GNA14: variants seen among roughly 807,000 people sequenced by gnomAD.
GNA14 encodes guanine nucleotide-binding protein subunit alpha-14.
In GNA14, 50 loss-of-function variants were observed where a neutral mutation model predicts 42.0. The observed-to-expected ratio is 1.19, with a 90% CI of 0.95 to 1.51. The LOEUF is 1.51. Ranked by LOEUF, GNA14 falls within the 40% of genes most tolerant of loss-of-function variation. The pLI is 0.00. For missense variants in GNA14, 473 were observed against 446.2 expected, an observed-to-expected ratio of 1.06 and a Z score of -0.54; for synonymous variants, 173 against 163.1, an observed-to-expected ratio of 1.06 and a Z score of -0.46.
At chr9:77,441,491 A>C (rs1287935677) in intron 2 of GNA14, among the ~76,000 whole-genome samples, 1 of 152,188 alleles carries the variant, frequency 6.6e-6, no homozygotes, top group Non-Finnish European at 1.5e-5. Flanking sequence ...CTTTATAGCA[A>C]TGTGAGAACG....
chr9:77,440,306 G>A (rs755486822), intron 2 of GNA14, among the ~76,000 whole-genome samples: 2 of 152,192 alleles, frequency 1.3e-5, no homozygotes, highest in Non-Finnish European at 2.9e-5. Context: ...CGTGGCTGCC[G>A]GTGACAGTCC....
intron 1 of GNA14, among the ~76,000 whole-genome samples, chr9:77,570,177 ATTAAC>A (rs146595418): frequency 0.011 from 1,674 of 152,338 alleles, 39 homozygotes; most frequent in African/African-American, 0.038. Context: ...ATAAATATAT[ATTAAC>A]TTAATTCTAA....
At chr9:77,472,097 C>G (rs1047568873) in intron 2 of GNA14, among the ~76,000 whole-genome samples, 33 of 152,064 alleles carry the variant, frequency 2.2e-4, no homozygotes, top group Non-Finnish European at 7.4e-5. Context: ...CCAAGTAAAA[C>G]CAACTCCATA....
chr9:77,582,859 T>G (rs1013538772), intron 1 of GNA14, among the ~76,000 whole-genome samples: 1 of 152,220 alleles, frequency 6.6e-6, no homozygotes, highest in Non-Finnish European at 1.5e-5. Flanking sequence ...GGCCTGGTCT[T>G]GCTCATCTTT....
chr9:77,532,256 C>G (rs539246311), intron 1 of GNA14, among the ~76,000 whole-genome samples: 2 of 152,170 alleles, frequency 1.3e-5, no homozygotes, highest in African/African-American at 4.8e-5. Context: ...GATAGCACCC[C>G]TAGTTATGAG....
At chr9:77,514,639 A>C (rs111792585) in intron 2 of GNA14, among the ~76,000 whole-genome samples, 14 of 141,180 alleles carry the variant, frequency 9.9e-5, no homozygotes, top group African/African-American at 3.8e-4. Flanking sequence ...TTTGAGACAG[A>C]GTCTCACTCT....
chr9:77,647,806 T>C lies in GNA14; in HGVS notation c.-13A>G. 6.2e-7 allele frequency: 1 copy of C among 1,605,548 alleles called. No individual in the cohort carries two copies. Among genetic ancestry groups the C allele is most frequent in the Non-Finnish European group, 8.5e-7 (1 of 1,177,970 alleles). ...AGCAGCCGGCCATGGTGCGCTCAGCTCAGTACCCGACGGGGCGACGCGGCC... is the reference window on the plus strand; with the variant it reads ...AGCAGCCGGCCATGGTGCGCTCAGCCCAGTACCCGACGGGGCGACGCGGCC... On this transcript the variant is annotated 5_prime_UTR_variant, in exon 1 of 7. Coordinates refer to ENST00000341700, the MANE Select transcript of GNA14 (RefSeq NM_004297.4).
At chr9:77,442,993 T>A (rs1473592818) in intron 2 of GNA14, among the ~76,000 whole-genome samples, 2 of 152,174 alleles carry the variant, frequency 1.3e-5, no homozygotes, top group Non-Finnish European at 2.9e-5. Context: ...CATAAAGATT[T>A]GGAAAAATAT....
At chr9:77,461,763 A>T (rs1490727503) in intron 2 of GNA14, among the ~76,000 whole-genome samples, 1 of 145,536 alleles carries the variant, frequency 6.9e-6, no homozygotes, top group Non-Finnish European at 1.5e-5. Flanking sequence ...CTTGAATAAT[A>T]GTATCCCAGC....
intron 1 of GNA14, among the ~76,000 whole-genome samples, chr9:77,647,391 A>G (rs1304875857): frequency 6.6e-6 from 1 of 152,148 alleles, no homozygotes; most frequent in Non-Finnish European, 1.5e-5. Flanking sequence ...GGCACACCGG[A>G]ACACATAAGG....
chr9:77,516,897 T>A (rs1012511651), intron 2 of GNA14, among the ~76,000 whole-genome samples: 1 of 152,148 alleles, frequency 6.6e-6, no homozygotes, highest in African/African-American at 2.4e-5. Flanking sequence ...CTCTTAAAGA[T>A]GGGAAAGTGA....
At chr9:77,459,856 C>T (rs563759258) in intron 2 of GNA14, among the ~76,000 whole-genome samples, 6 of 152,158 alleles carry the variant, frequency 3.9e-5, no homozygotes, top group African/African-American at 1.4e-4. Context: ...TGGCATCTCT[C>T]GCCCACCCTC....
At chr9:77,621,592 C>T (rs749066166) in intron 1 of GNA14, among the ~76,000 whole-genome samples, 2 of 152,114 alleles carry the variant, frequency 1.3e-5, no homozygotes, top group South Asian at 2.1e-4. Flanking sequence ...CTGCCCCACC[C>T]GTTAATATAG....
chr9:77,531,087 A>C (rs1373663582), intron 1 of GNA14, among the ~76,000 whole-genome samples: 1 of 152,258 alleles, frequency 6.6e-6, no homozygotes. Context: ...CAGAAGCAGC[A>C]CATCGCCTAA....
rs541122597 is a variant in GNA14 at position 77,589,405 on chromosome 9, G to GT, written c.124+58264dup. On this transcript the variant is annotated intron_variant, in intron 1 of 6. Transcript: ENST00000341700. ...GAGCTCGGTTTTCTTTTTTTGTTTT[G>GT]TTTTTTTGTTTGTTTGTTTTTGGAA... Among the ~76,000 whole-genome samples, 431 of 152,068 alleles carry GT rather than the reference G, an allele frequency of 2.8e-3. 1 individual carries two copies. Among genetic ancestry groups the GT allele is most frequent in the African/African-American group, 8.6e-3 (357 of 41,494 alleles).
At chr9:77,497,740 T>C (rs1260809379) in intron 2 of GNA14, among the ~76,000 whole-genome samples, 1 of 152,162 alleles carries the variant, frequency 6.6e-6, no homozygotes, top group Non-Finnish European at 1.5e-5. Flanking sequence ...TACATATTTA[T>C]ATACATATGC....
intron 2 of GNA14, among the ~76,000 whole-genome samples, chr9:77,474,228 A>G (rs1013863963): frequency 1.3e-5 from 2 of 152,220 alleles, no homozygotes; most frequent in Non-Finnish European, 2.9e-5. Context: ...CAACACATAG[A>G]ATGGGAGAAA....
At chr9:77,499,543 T>C (rs1202987154) in intron 2 of GNA14, among the ~76,000 whole-genome samples, 2 of 152,128 alleles carry the variant, frequency 1.3e-5, no homozygotes, top group African/African-American at 2.4e-5. Context: ...AAAGGCCACA[T>C]AGCATATATA....
Position 77,545,002 on chromosome 9 carries a change from T to C in GNA14, c.125-15749A>G, listed in dbSNP as rs561208387. Among the ~76,000 whole-genome samples, 5 of 152,276 alleles carry C rather than the reference T, an allele frequency of 3.3e-5. No homozygotes were observed. In the South Asian group the frequency reaches 1.0e-3, roughly 32 times the overall value. ...GAATTTCTCCTTGCACAATTATGAT[T>C]GTCCAAAAGTTTGGTTTTGCTTATG... On this transcript the variant is annotated intron_variant, in intron 1 of 6. Transcript: ENST00000341700.
Sources: gnomAD v4.1 joint callset for allele counts (sites outside exome capture counted in the v4.1 genomes callset) on GRCh38, gnomAD v4.1.1 for gene constraint, MANE v1.5 for transcripts, NCBI Gene and HGNC (gene_info 2026-07-23, HGNC 2026-07-21) for gene names.